The following MAT2B variants were observed in gnomAD, a reference collection of about 807,000 sequenced individuals.
MAT2B encodes methionine adenosyltransferase 2 subunit beta.
MAT2B carries 16 observed loss-of-function variants against 36.1 expected under a neutral mutation model. The ratio of observed to expected loss-of-function variants is 0.44; its 90% CI spans 0.30 to 0.67. The LOEUF (loss-of-function observed/expected upper bound fraction) is 0.67. Ranked by LOEUF, MAT2B falls within the 30% of genes least tolerant of loss-of-function variation. The pLI is 0.09. For missense variants in MAT2B, 332 were observed against 398.2 expected, an observed-to-expected ratio of 0.83 and a Z score of 1.42; for synonymous variants, 148 against 136.9, an observed-to-expected ratio of 1.08 and a Z score of -0.57.
At chr5:163,517,874 G>C (rs1044973862) in intron 6 of MAT2B, 200 bp downstream of exon 6, 6 of 500,124 alleles carry the variant, frequency 1.2e-5, no homozygotes, top group Non-Finnish European at 2.1e-5. Context: ...TTATTGTCTT[G>C]ATCATGACAG....
chr5:163,503,534 C>A, upstream of MAT2B: 1 of 1,008,742 alleles, frequency 9.9e-7, no homozygotes, highest in Non-Finnish European at 1.6e-6. Flanking sequence ...AAAATAGAAA[C>A]GGGTGTCATT....
chr5:163,505,430 G>C, upstream of MAT2B: 1 of 840,170 alleles, frequency 1.2e-6, no homozygotes, highest in Non-Finnish European at 1.6e-6. Context: ...CCTAAGGTCA[G>C]GGCCTTTCTT....
chr5:163,503,314 A>G (rs1759877673), upstream of MAT2B: 2 of 1,345,190 alleles, frequency 1.5e-6, no homozygotes, highest in South Asian at 1.2e-5. Context: ...CTCTGCAGGC[A>G]GAAGCGAACA....
At chr5:163,513,321 G>T (rs937324410) in intron 2 of MAT2B, 1 of 373,376 alleles carries the variant, frequency 2.7e-6, no homozygotes, top group Non-Finnish European at 4.9e-6. Context: ...TTTTTTCCTG[G>T]TTTGTGTCTG....
chr5:163,512,281 A>T, intron 2 of MAT2B, 85 bp downstream of exon 2: 5 of 1,184,040 alleles, frequency 4.2e-6, no homozygotes, highest in Non-Finnish European at 6.3e-6. Flanking sequence ...CTCTCAAGGA[A>T]ATTACTATGT....
chr5:163,512,271 C>A, intron 2 of MAT2B, 75 bp downstream of exon 2: 1 of 1,267,296 alleles, frequency 7.9e-7, no homozygotes, highest in Non-Finnish European at 1.2e-6. Context: ...ACTATCCTTG[C>A]TCTCAAGGAA....
Position 163,518,312 on chromosome 5 carries a change from A to G in MAT2B, c.954A>G (p.Ser318=). ...CATTTCGAATTGGAATCAAAGAATC[A>G]CTTTGGCCTTTCCTCATTGACAAGA... ...RTPFRIGIKE[S]LWPFLIDKRW... Residue 318 remains serine, a synonymous_variant, in exon 7 of 7, where the codon TCA becomes TCG. Coordinates refer to ENST00000321757, the MANE Select transcript of MAT2B (RefSeq NM_013283.5). The G allele has an allele frequency of 6.2e-7, 1 of 1,613,796 alleles. No individual in the cohort carries two copies. The highest frequency in any genetic ancestry group is 8.5e-7 in the Non-Finnish European group (1 of 1,179,850).
At chr5:163,513,731 A>G (rs1356740459) in intron 3 of MAT2B, 62 bp downstream of exon 3, 1 of 1,532,450 alleles carries the variant, frequency 6.5e-7, no homozygotes, top group South Asian at 1.2e-5. Flanking sequence ...TTTAGAAATT[A>G]AGGTTTTGTA....
intron 1 of MAT2B, among the ~76,000 whole-genome samples, chr5:163,507,291 T>C (rs1759963615): frequency 6.6e-6 from 1 of 152,246 alleles, no homozygotes; most frequent in African/African-American, 2.4e-5. Flanking sequence ...CAGAGTACTG[T>C]GTTGGACCAT....
At chr5:163,503,301 G>T, upstream of MAT2B, 1 of 1,137,770 alleles carries the variant, frequency 8.8e-7, no homozygotes, top group Non-Finnish European at 1.3e-6. Flanking sequence ...GCGTGCCTGC[G>T]CTCTCTGCAG....
intron 5 of MAT2B, 116 bp downstream of exon 5, chr5:163,516,827 A>G (rs1239342269): frequency 4.1e-6 from 4 of 982,832 alleles, no homozygotes; most frequent in Non-Finnish European, 6.3e-6. Context: ...TGCTTTTTTA[A>G]AACTAGGAGA....
chr5:163,505,402 C>G, upstream of MAT2B: 4 of 624,106 alleles, frequency 6.4e-6, no homozygotes, highest in Non-Finnish European at 9.1e-6. Flanking sequence ...ATCTCCGAAA[C>G]AAAACCTGAA....
chr5:163,511,338 T>C (rs1321281492), intron 1 of MAT2B, among the ~76,000 whole-genome samples: 2 of 151,864 alleles, frequency 1.3e-5, no homozygotes, highest in Non-Finnish European at 2.9e-5. Context: ...TGATCTCTGC[T>C]TATTACAGCC....
upstream of MAT2B, chr5:163,503,304 C>G (rs772472812): frequency 5.0e-6 from 6 of 1,205,010 alleles, no homozygotes; most frequent in Non-Finnish European, 7.3e-6. Flanking sequence ...TGCCTGCGCT[C>G]TCTGCAGGCA....
At position 163,505,702 on chromosome 5, in the gene MAT2B, A is replaced by G. The variant is rs750662270; in HGVS notation, c.16A>G (p.Lys6Glu). 1 of 1,283,756 alleles carries G rather than the reference A, an allele frequency of 7.8e-7. No homozygotes were observed. Among genetic ancestry groups the G allele is most frequent in the Non-Finnish European group, 9.9e-7 (1 of 1,008,056 alleles). The allele number at this position is 1,283,756 out of a possible 1,614,324, so 79.5% of individuals were successfully genotyped here. A position where few individuals can be genotyped will look rare whatever the true frequency, so the allele number is the denominator to read the frequency against. The change falls in exon 1 of 7, where the codon AAA becomes GAA. Residue 6 changes from lysine to glutamate, a missense_variant. Physicochemically the swap from Lys to Glu is moderately conservative, Grantham distance 56 (BLOSUM62 1). Coordinates refer to ENST00000321757, the MANE Select transcript of MAT2B (RefSeq NM_013283.5). ...GACGGCGGGCATGGTGGGGCGGGAG[A>G]AAGAGCTCTCTATACACTTTGTTCC... MVGRE[K>E]ELSIHFVPGS...
chr5:163,506,442 C>A (rs1759939913), intron 1 of MAT2B, among the ~76,000 whole-genome samples: 1 of 152,200 alleles, frequency 6.6e-6, no homozygotes, highest in East Asian at 1.9e-4. Flanking sequence ...CTGGTGCCCC[C>A]CTCGCCCCCG....
chr5:163,517,570 A>C lies in MAT2B; in HGVS notation c.730A>C (p.Ile244Leu). Reference protein sequence around the residue: ...LAEKRMLDPSIKGTFHWSGNE... With the variant: ...LAEKRMLDPSLKGTFHWSGNE... ...GTGTCATCGTTCTTAGGATCCATCA[A>C]TTAAGGGAACCTTTCACTGGTCTGG... The change falls in exon 6 of 7, where the codon ATT (isoleucine) becomes CTT (leucine). Residue 244 changes from isoleucine (I) to leucine (L), a missense_variant. Transcript: ENST00000321757. The C allele has an allele frequency of 6.2e-7, 1 of 1,604,440 alleles. No homozygotes were observed. The highest frequency in any genetic ancestry group is 8.5e-7 in the Non-Finnish European group (1 of 1,171,198).
upstream of MAT2B, among the ~76,000 whole-genome samples, chr5:163,503,885 C>A (rs1275999233): frequency 1.3e-5 from 2 of 152,134 alleles, no homozygotes; most frequent in Non-Finnish European, 2.9e-5. Context: ...TTCGCATAGA[C>A]CCTACCATCA....
intron 4 of MAT2B, 138 bp downstream of exon 4, chr5:163,514,132 G>C: frequency 1.6e-6 from 1 of 637,164 alleles, no homozygotes; most frequent in Non-Finnish European, 2.3e-6. Flanking sequence ...AGTTAATAAA[G>C]AAAATAAAAA....
Sources: gnomAD v4.1 joint callset for allele counts (sites outside exome capture counted in the v4.1 genomes callset) on GRCh38, gnomAD v4.1.1 for gene constraint, MANE v1.5 for transcripts, NCBI Gene and HGNC (gene_info 2026-07-23, HGNC 2026-07-21) for gene names.